SMC5: variants seen among roughly 807,000 people sequenced by gnomAD.
The protein encoded by SMC5 is structural maintenance of chromosomes protein 5.
In SMC5, 88 loss-of-function variants were observed where a neutral mutation model predicts 148.3. The observed-to-expected ratio is 0.59, with a 90% CI of 0.50 to 0.71. The LOEUF is 0.71. Ranked by LOEUF, SMC5 falls within the 30% of genes least tolerant of loss-of-function variation. The pLI is 0.00. For missense variants in SMC5, 1,142 were observed against 1,298.9 expected (o/e 0.88, Z 1.86); for synonymous variants, 421 against 432.8 (o/e 0.97, Z 0.34).
chr9:70,269,662 G>A (rs1374608702), intron 3 of SMC5, among the ~76,000 whole-genome samples: 1 of 152,120 alleles, frequency 6.6e-6, no homozygotes, highest in Non-Finnish European at 1.5e-5. Flanking sequence ...AGTCTCAACA[G>A]GTAAGTTTAC....
At chr9:70,343,143 G>C (rs1314282293) in intron 17 of SMC5, among the ~76,000 whole-genome samples, 1 of 144,962 alleles carries the variant, frequency 6.9e-6, no homozygotes, top group Non-Finnish European at 1.5e-5. Flanking sequence ...ATTCCTTTCA[G>C]TCTCTTTTTT....
intron 3 of SMC5, among the ~76,000 whole-genome samples, chr9:70,271,903 G>A (rs1277740477): frequency 6.6e-6 from 1 of 152,224 alleles, no homozygotes; most frequent in Non-Finnish European, 1.5e-5. Flanking sequence ...AAAATATCAG[G>A]AAGTCAAGCC....
intron 3 of SMC5, among the ~76,000 whole-genome samples, chr9:70,273,422 G>A (rs2034503973): frequency 6.6e-6 from 1 of 151,716 alleles, no homozygotes; most frequent in Non-Finnish European, 1.5e-5. Context: ...GTCTTCTAAA[G>A]ATTGACTTGT....
intron 17 of SMC5, among the ~76,000 whole-genome samples, chr9:70,329,882 G>T (rs1104709): frequency 0.11 from 17,388 of 152,152 alleles, 1,071 homozygotes; most frequent in African/African-American, 0.15. Flanking sequence ...TGGCTGGGAG[G>T]CCTCAGGAAA....
rs1459166494 is a variant in SMC5, at chr9:70,259,242, G to T, written c.164G>T (p.Arg55Leu). The T allele has an allele frequency of 1.9e-6, 3 of 1,592,402 alleles. No homozygotes were observed. Among genetic ancestry groups the T allele is most frequent in the Non-Finnish European group, 2.6e-6 (3 of 1,168,804 alleles). ...CCTTTCGTGGAAGGCTCTATCGTCC[G>T]CATCTCGATGGAGAACTTCCTGTAA... ...SGPFVEGSIVRISMENFLTYD... is the reference protein window; with the variant it reads ...SGPFVEGSIVLISMENFLTYD... Residue 55 changes from arginine (R) to leucine (L), a missense_variant, in exon 1 of 25, where the codon CGC (arginine) becomes CTC (leucine). Around this residue, in one of 5 missense-constraint regions of SMC5, gnomAD observed 297 missense variants for 302.6 expected, o/e 0.98. Coordinates refer to ENST00000361138, the MANE Select transcript of SMC5 (RefSeq NM_015110.4).
At chr9:70,315,603 T>C in intron 13 of SMC5, 25 bp downstream of exon 13, 1 of 1,468,288 alleles carries the variant, frequency 6.8e-7, no homozygotes. Flanking sequence ...AATCATGTAC[T>C]GAATCATGTA....
At chr9:70,319,435 T>C (rs1433646983) in intron 15 of SMC5, among the ~76,000 whole-genome samples, 2 of 152,192 alleles carry the variant, frequency 1.3e-5, no homozygotes, top group African/African-American at 4.8e-5. Context: ...TTTACATTTT[T>C]GCAGATTTCT....
At position 70,286,262 on chromosome 9, in the gene SMC5, A is replaced by T; in HGVS notation, c.1044A>T (p.Lys348Asn). 6.3e-7 allele frequency: 1 copy of T among 1,598,758 alleles called. No homozygotes were observed. The highest frequency in any genetic ancestry group is 8.6e-7 in the Non-Finnish European group (1 of 1,168,952). Residue 348 changes from lysine (K) to asparagine (N), a missense_variant, in exon 8 of 25, where the codon AAA (lysine) becomes AAT (asparagine). Around this residue, in one of 5 missense-constraint regions of SMC5, gnomAD observed 743 missense variants for 835.7 expected, o/e 0.89. Transcript: ENST00000361138. ...CKQKQDVIERKDKHIEELQQA... is the reference protein window; with the variant it reads ...CKQKQDVIERNDKHIEELQQA... ...AGAAGCAAGATGTTATAGAAAGGAA[A>T]GATAAACATGTAAGGTTTCATACTA...
chr9:70,303,047 T>C (rs1401723674), intron 10 of SMC5, among the ~76,000 whole-genome samples: 2 of 151,970 alleles, frequency 1.3e-5, no homozygotes, highest in East Asian at 3.9e-4. Flanking sequence ...CTAGGCAACA[T>C]AGTGAGATCC....
At chr9:70,344,454 T>G (rs1428613853) in intron 18 of SMC5, 185 bp downstream of exon 18, 1 of 253,110 alleles carries the variant, frequency 4.0e-6, no homozygotes, top group Non-Finnish European at 7.5e-6. Context: ...ATCAATGGTA[T>G]TGGTACTATA....
chr9:70,274,352 A>AT (rs1189010879), intron 3 of SMC5, among the ~76,000 whole-genome samples: 2 of 152,134 alleles, frequency 1.3e-5, no homozygotes, highest in African/African-American at 4.8e-5. Context: ...AAGTGCTGGG[A>AT]TTACAGGCGT....
At chr9:70,343,998 A>G in intron 17 of SMC5, 146 bp from the exon 18 acceptor site, 1 of 472,964 alleles carries the variant, frequency 2.1e-6, no homozygotes, top group East Asian at 4.0e-5. Flanking sequence ...TTATAATAAA[A>G]AGAGTCATTA....
Position 70,324,116 on chromosome 9 carries a change from C to T in SMC5, c.2370C>T (p.Ala790=), listed in dbSNP as rs145350164. The T allele has an allele frequency of 2.7e-5, 43 of 1,597,254 alleles. No individual in the cohort carries two copies. Among genetic ancestry groups the T allele is most frequent in the Admixed American group, 1.9e-4 (10 of 54,002 alleles). ...ACAAATTAGAATCAGATTATATGGC[C>T]GCATCTTCACAACTCCGTCTTACAG... ...EKNKLESDYM[A]ASSQLRLTEQ... is the part of the protein sequence containing the mutation. Residue 790 remains alanine, a synonymous_variant, in exon 17 of 25, where the codon GCC becomes GCT. Transcript: ENST00000361138.
chr9:70,327,190 G>T (rs2036102864), intron 17 of SMC5, among the ~76,000 whole-genome samples: 1 of 152,142 alleles, frequency 6.6e-6, no homozygotes, highest in South Asian at 2.1e-4. Flanking sequence ...AGAAATGGCT[G>T]ATTTCAGGTC....
At chr9:70,301,829 TAGG>T (rs2035364989) in intron 10 of SMC5, among the ~76,000 whole-genome samples, 1 of 152,154 alleles carries the variant, frequency 6.6e-6, no homozygotes, top group Non-Finnish European at 1.5e-5. Context: ...AATCATAAAG[TAGG>T]TTATGGAATA....
chr9:70,331,949 A>C (rs1290551729), intron 17 of SMC5, among the ~76,000 whole-genome samples: 1 of 152,058 alleles, frequency 6.6e-6, no homozygotes, highest in African/African-American at 2.4e-5. Flanking sequence ...GAGTTTCCAC[A>C]CCACAATGCA....
chr9:70,349,796 T>C (rs1439090001), intron 22 of SMC5, among the ~76,000 whole-genome samples: 1 of 152,188 alleles, frequency 6.6e-6, no homozygotes, highest in Admixed American at 6.5e-5. Flanking sequence ...AGTTCCTCGC[T>C]CAGTAATTTC....
At chr9:70,305,430 ACT>A (rs1259210848) in intron 11 of SMC5, 70 bp downstream of exon 11, 1 of 889,462 alleles carries the variant, frequency 1.1e-6, no homozygotes, top group African/African-American at 1.7e-5. Context: ...TTTTAAATTC[ACT>A]AGAGCAAAAT....
At chr9:70,285,453 G>A (rs1470920314) in intron 7 of SMC5, among the ~76,000 whole-genome samples, 1 of 152,214 alleles carries the variant, frequency 6.6e-6, no homozygotes, top group African/African-American at 2.4e-5. Flanking sequence ...AGGCCTTCTA[G>A]CAGCATGTTG....
Sources: allele counts gnomAD v4.1 joint callset (sites outside exome capture counted in the v4.1 genomes callset), GRCh38; gene constraint gnomAD v4.1.1; regional missense constraint gnomAD v4.1.1; transcripts MANE v1.5; gene names NCBI Gene and HGNC (gene_info 2026-07-23, HGNC 2026-07-21).